The following CNPY1 variants were observed in gnomAD, a reference collection of about 807,000 sequenced individuals.
CNPY1 encodes protein canopy homolog 1.
In CNPY1, 14 loss-of-function variants were observed where a neutral mutation model predicts 14.4. The observed-to-expected ratio is 0.97, with a 90% CI of 0.64 to 1.52. CNPY1 has a LOEUF of 1.52. Ranked by LOEUF, CNPY1 falls within the 40% of genes most tolerant of loss-of-function variation. CNPY1 has a pLI of 0.00. For synonymous variants in CNPY1, 43 were observed against 46.5 expected (o/e 0.92, Z 0.31); for missense variants, 129 against 131.5 (o/e 0.98, Z 0.09).
intron 2 of CNPY1, among the ~76,000 whole-genome samples, chr7:155,527,458 T>TG (rs1796849464): frequency 7.0e-6 from 1 of 141,946 alleles, no homozygotes; most frequent in Admixed American, 7.0e-5. Context: ...TTTTTTTTTT[T>TG]TGAGGCAAGT....
At chr7:155,509,241 C>T (rs1370202862) in intron 2 of CNPY1, 144 bp from the exon 3 acceptor site, 2 of 550,256 alleles carry the variant, frequency 3.6e-6, no homozygotes, top group East Asian at 6.1e-5. Flanking sequence ...AAGACGGTAC[C>T]GCAGATTGTT....
intron 2 of CNPY1, among the ~76,000 whole-genome samples, chr7:155,511,890 C>G (rs908715280): frequency 6.6e-6 from 1 of 152,182 alleles, no homozygotes; most frequent in Admixed American, 6.5e-5. Flanking sequence ...TGCATTACAG[C>G]TCTTTATACA....
chr7:155,517,233 A>C (rs887067889), intron 2 of CNPY1, among the ~76,000 whole-genome samples: 8 of 152,132 alleles, frequency 5.3e-5, no homozygotes, highest in Middle Eastern at 3.2e-3. Context: ...GTGTCCTTGT[A>C]GGAAGAGGAC....
rs752889931 is a variant in CNPY1 at position 155,507,165 on chromosome 7, G to T, written c.304-49C>A. ...ATGTGGATAGACGCACACTGGCGGG[G>T]CACTTTGTTAGGAAGGACTTTGCAA... On this transcript the variant is annotated intron_variant, in intron 3 of 4. Transcript: ENST00000636446. The T allele has an allele frequency of 4.2e-6, 5 of 1,200,390 alleles. No homozygotes were observed. In the African/African-American group the frequency reaches 7.5e-5, roughly 18 times the overall value. 74.4% of individuals were successfully genotyped at this position (1,200,390 alleles called of 1,614,324 possible).
At chr7:155,516,196 G>T (rs1329389142) in intron 2 of CNPY1, among the ~76,000 whole-genome samples, 1 of 152,214 alleles carries the variant, frequency 6.6e-6, no homozygotes, top group Non-Finnish European at 1.5e-5. Flanking sequence ...ACCCCCATGG[G>T]AGACAAGAGT....
At chr7:155,508,546 C>T (rs1796407662) in intron 3 of CNPY1, among the ~76,000 whole-genome samples, 1 of 152,200 alleles carries the variant, frequency 6.6e-6, no homozygotes. Context: ...CTGACTAAGA[C>T]CACTCTGGAG....
chr7:155,515,083 C>T (rs909599710), intron 2 of CNPY1, among the ~76,000 whole-genome samples: 3 of 152,156 alleles, frequency 2.0e-5, no homozygotes, highest in Non-Finnish European at 4.4e-5. Flanking sequence ...CATGCACACA[C>T]ATGGATTATG....
chr7:155,512,261 A>G (rs1796545487), intron 2 of CNPY1, among the ~76,000 whole-genome samples: 1 of 152,236 alleles, frequency 6.6e-6, no homozygotes, highest in Non-Finnish European at 1.5e-5. Context: ...TTGCTTTTAC[A>G]TATGGACTTG....
chr7:155,533,803 G>C (rs554319525), intron 2 of CNPY1: 2 of 152,288 alleles, frequency 1.3e-5, no homozygotes, highest in African/African-American at 4.8e-5. Context: ...TGGATCTAAC[G>C]GGACAAACTC....
intron 2 of CNPY1, among the ~76,000 whole-genome samples, chr7:155,540,865 C>T (rs1797076588): frequency 6.6e-6 from 1 of 152,200 alleles, no homozygotes; most frequent in Admixed American, 6.5e-5. Flanking sequence ...GGGAGGCCAG[C>T]CTTTCATCAC....
Position 155,502,755 on chromosome 7 carries a change from ATTTT to A in CNPY1, c.*309_*312del, listed in dbSNP as rs1796157561. ...AAGCAGCATACATTATGAAATCCCT[ATTTT>A]GTTTATGAAATGTCTTCGCTTTTTT... On this transcript the variant is annotated 3_prime_UTR_variant, in exon 5 of 5. Coordinates refer to ENST00000636446, the MANE Select transcript of CNPY1 (RefSeq NM_001393663.1). 4 of 356,264 alleles carry A rather than the reference ATTTT, an allele frequency of 1.1e-5. No homozygotes were observed. In the South Asian group the frequency reaches 2.6e-4, roughly 23 times the overall value. 22.1% of individuals were successfully genotyped at this position (356,264 alleles called of 1,614,324 possible). A position where few individuals can be genotyped will look rare whatever the true frequency, so the allele number is the denominator to read the frequency against.
rs1223586987 is a variant in CNPY1 at position 155,502,472 on chromosome 7, A to AT, written c.*595dup. The AT allele has an allele frequency of 6.6e-6, 1 of 152,304 alleles. No homozygotes were observed. The highest frequency in any genetic ancestry group is 6.5e-5 in the Admixed American group (1 of 15,294). 9.4% of individuals were successfully genotyped at this position (152,304 alleles called of 1,614,324 possible). A position where few individuals can be genotyped will look rare whatever the true frequency, so the allele number is the denominator to read the frequency against. On this transcript the variant is annotated 3_prime_UTR_variant, in exon 5 of 5. Transcript: ENST00000636446. ...ATTATTGTTTACTATAAATTAAAGCATTCATTAGTTTTTACACATTCCACT... is the reference window on the plus strand; with the variant it reads ...ATTATTGTTTACTATAAATTAAAGCATTTCATTAGTTTTTACACATTCCACT...
chr7:155,544,161 G>A (rs1797132896), intron 2 of CNPY1, among the ~76,000 whole-genome samples: 1 of 152,108 alleles, frequency 6.6e-6, no homozygotes, highest in Admixed American at 6.5e-5. Context: ...GGTACAAGGT[G>A]CTGCCATCCC....
In CNPY1 at chr7:155,503,505, C is replaced by T. The variant is rs576011169; in HGVS notation, c.401-400G>A. On this transcript the variant is annotated intron_variant, in intron 4 of 4. Coordinates refer to ENST00000636446, the MANE Select transcript of CNPY1 (RefSeq NM_001393663.1). ...GCAACTAGATACTTTGATAATGCTA[C>T]TTTTCCAGTTGGAAGCAATTAATGC... Among the ~76,000 whole-genome samples the T allele has an allele frequency of 3.9e-5, 6 of 152,286 alleles. No homozygotes were observed. In the South Asian group the frequency reaches 1.2e-3, roughly 32 times the overall value.
At chr7:155,517,627 C>A (rs1796646135) in intron 2 of CNPY1, among the ~76,000 whole-genome samples, 1 of 152,166 alleles carries the variant, frequency 6.6e-6, no homozygotes, top group Non-Finnish European at 1.5e-5. Context: ...CAGGGCTGCA[C>A]CTGCACATGC....
intron 2 of CNPY1, among the ~76,000 whole-genome samples, chr7:155,512,721 T>G (rs11760611): frequency 0.042 from 6,444 of 152,316 alleles, 193 homozygotes; most frequent in South Asian, 0.097. Flanking sequence ...CAGTGGAAAC[T>G]GTCGTTGTGG....
chr7:155,511,342 C>T (rs1487402371), intron 2 of CNPY1, among the ~76,000 whole-genome samples: 2 of 152,166 alleles, frequency 1.3e-5, no homozygotes, highest in African/African-American at 2.4e-5. Flanking sequence ...ATTCACAGAA[C>T]ATTGTGAGCT....
intron 2 of CNPY1, among the ~76,000 whole-genome samples, chr7:155,515,124 AAC>A (rs1350595272): frequency 6.6e-6 from 1 of 152,070 alleles, no homozygotes; most frequent in Non-Finnish European, 1.5e-5. Context: ...CTGGCAAGCA[AAC>A]CAGAAAACAT....
intron 2 of CNPY1, among the ~76,000 whole-genome samples, chr7:155,538,515 C>A (rs1727903258): frequency 6.6e-6 from 1 of 151,492 alleles, no homozygotes. Flanking sequence ...CAGACTCTGC[C>A]CCTCCTCACG....
Sources: allele counts gnomAD v4.1 joint callset (sites outside exome capture counted in the v4.1 genomes callset), GRCh38; gene constraint gnomAD v4.1.1; transcripts MANE v1.5; gene names NCBI Gene and HGNC (gene_info 2026-07-23, HGNC 2026-07-21).